The following DENND1A variants were observed in gnomAD, a reference collection of about 807,000 sequenced individuals.
DENND1A encodes the protein DENN domain containing 1A, also known as DENN domain-containing protein 1A.
A neutral mutation model predicts 113.7 loss-of-function variants in DENND1A; 51 were observed. The observed-to-expected ratio is 0.45, with a 90% CI of 0.36 to 0.57. The LOEUF (loss-of-function observed/expected upper bound fraction) is 0.57. Among genes scored for constraint, DENND1A ranks in the 20% least tolerant of loss-of-function variants. The pLI, the probability that DENND1A is intolerant of heterozygous loss-of-function variation, is 0.00. For missense variants in DENND1A, 1,258 were observed against 1,395.9 expected (o/e 0.90, Z 1.57); for synonymous variants, 565 against 570.8 (o/e 0.99, Z 0.14).
chr9:123,808,372 T>C (rs1367958713), intron 2 of DENND1A, among the ~76,000 whole-genome samples: 2 of 151,300 alleles, frequency 1.3e-5, no homozygotes, highest in Non-Finnish European at 2.9e-5. Flanking sequence ...TAAAATAGTA[T>C]CCAATAATTT....
chr9:123,517,871 A>G (rs1458821164), intron 13 of DENND1A, among the ~76,000 whole-genome samples: 1 of 152,248 alleles, frequency 6.6e-6, no homozygotes, highest in Non-Finnish European at 1.5e-5. Context: ...GAGAAGTAGC[A>G]AAATTGAATG....
intron 11 of DENND1A, among the ~76,000 whole-genome samples, chr9:123,599,392 A>G (rs551786660): frequency 6.6e-6 from 1 of 152,350 alleles, no homozygotes; most frequent in African/African-American, 2.4e-5. Flanking sequence ...AGGCATGGTT[A>G]CTACATCACA....
At chr9:123,531,554 T>TCTAC (rs71490812) in intron 13 of DENND1A, among the ~76,000 whole-genome samples, 2 of 103,128 alleles carry the variant, frequency 1.9e-5, no homozygotes, top group Non-Finnish European at 4.1e-5. Flanking sequence ...CCTCTCTCTC[T>TCTAC]ACACACACAC....
intron 9 of DENND1A, among the ~76,000 whole-genome samples, chr9:123,645,666 A>G (rs1249105775): frequency 2.0e-5 from 3 of 152,158 alleles, no homozygotes; most frequent in Non-Finnish European, 2.9e-5. Context: ...GAAACTTCGA[A>G]CCCAGTTAAG....
At position 123,381,478 on chromosome 9, in the gene DENND1A, G is replaced by GGGGCCGGGGCCA. The variant is rs781687359; in HGVS notation, c.3155_3166dup (p.Leu1052_Ala1055dup). 18 of 1,613,442 alleles carry GGGGCCGGGGCCA rather than the reference G, an allele frequency of 1.1e-5. 1 individual carries two copies. In the African/African-American group the frequency reaches 1.3e-4, roughly 12 times the overall value. ...CTTCCTGAGCTGCTCCACCGAGTCTGGGGCCGGGGCCAGGGCCGGACTCGG... is the reference window on the plus strand; with the variant it reads ...CTTCCTGAGCTGCTCCACCGAGTCTGGGGCCGGGGCCAGGGCCGGGGCCAGGGCCGGACTCGG... On this transcript the variant is annotated inframe_insertion, in exon 24 of 24. Coordinates refer to ENST00000394215, the MANE Select transcript of DENND1A (RefSeq NM_001352964.2). This position sits in a 1 kb window ranked among gnomAD's most constrained non-coding sequence, Gnocchi z 4.7.
At chr9:123,672,197 C>T (rs931335259) in intron 6 of DENND1A, among the ~76,000 whole-genome samples, 4 of 152,288 alleles carry the variant, frequency 2.6e-5, no homozygotes, top group African/African-American at 4.8e-5. Context: ...CTCCAGAGCC[C>T]TCCTGGCTTC....
At chr9:123,815,388 TG>T (rs1837277864) in intron 2 of DENND1A, among the ~76,000 whole-genome samples, 1 of 152,236 alleles carries the variant, frequency 6.6e-6, no homozygotes, top group Non-Finnish European at 1.5e-5. Context: ...ACCATATAAC[TG>T]TCTCAGTAAA....
At chr9:123,928,804 C>G (rs1857531364) in intron 1 of DENND1A, 3 of 985,414 alleles carry the variant, frequency 3.0e-6, no homozygotes, top group African/African-American at 1.7e-5. Context: ...TCAAACTTCC[C>G]TAGTACAATT....
At chr9:123,521,357 A>T (rs921991533) in intron 13 of DENND1A, among the ~76,000 whole-genome samples, 2 of 152,174 alleles carry the variant, frequency 1.3e-5, no homozygotes, top group African/African-American at 4.8e-5. Context: ...AAGGGGCTTG[A>T]GAGTCCAATT....
chr9:123,902,279 G>C (rs1851796235), intron 1 of DENND1A, among the ~76,000 whole-genome samples: 1 of 151,844 alleles, frequency 6.6e-6, no homozygotes, highest in Non-Finnish European at 1.5e-5. Flanking sequence ...ATTAAAATTA[G>C]TTACATTGGT....
At chr9:123,397,913 G>A (rs888134822) in intron 21 of DENND1A, among the ~76,000 whole-genome samples, 1 of 152,202 alleles carries the variant, frequency 6.6e-6, no homozygotes, top group Non-Finnish European at 1.5e-5. Context: ...TAGTACAGTG[G>A]AACTTCAAAT....
At chr9:123,387,906 C>A in intron 21 of DENND1A, 48 bp from the exon 22 acceptor site, 1 of 1,275,222 alleles carries the variant, frequency 7.8e-7, no homozygotes, top group Non-Finnish European at 1.0e-6. Flanking sequence ...GTTAGGGGCG[C>A]CCTCAGAACT....
intron 12 of DENND1A, among the ~76,000 whole-genome samples, chr9:123,560,159 G>A (rs533634424): frequency 2.4e-4 from 36 of 152,278 alleles, no homozygotes; most frequent in Admixed American, 2.0e-4. Context: ...AGATTCATGT[G>A]CAAGCTTTTG....
intron 2 of DENND1A, among the ~76,000 whole-genome samples, chr9:123,862,482 C>G (rs1845188866): frequency 6.6e-6 from 1 of 152,080 alleles, no homozygotes; most frequent in Non-Finnish European, 1.5e-5. Context: ...AACATAGAAG[C>G]AAGTATTAAA....
At chr9:123,757,911 A>C (rs1242080166) in intron 4 of DENND1A, 89 bp from the exon 5 acceptor site, 10 of 1,499,120 alleles carry the variant, frequency 6.7e-6, no homozygotes, top group Middle Eastern at 1.8e-4. Context: ...TGAACTTATA[A>C]CATTTCCTCT....
At chr9:123,851,454 G>A (rs935910205) in intron 2 of DENND1A, among the ~76,000 whole-genome samples, 4 of 152,012 alleles carry the variant, frequency 2.6e-5, no homozygotes, top group East Asian at 1.9e-4. Flanking sequence ...TTAAAATTAC[G>A]AAATGGCCTC....
intron 13 of DENND1A, among the ~76,000 whole-genome samples, chr9:123,538,805 C>CATATAT (rs1169598985): frequency 1.2e-4 from 6 of 50,064 alleles, no homozygotes; most frequent in African/African-American, 2.7e-4. Context: ...GGTGACAACT[C>CATATAT]ATACATATAT....
intron 13 of DENND1A, among the ~76,000 whole-genome samples, chr9:123,465,308 ATTTTTTT>A (rs60428558): frequency 8.7e-5 from 7 of 80,118 alleles, no homozygotes; most frequent in African/African-American, 2.4e-4. Flanking sequence ...TTTGTCTTTG[ATTTTTTT>A]TTTTTTTTTT....
At chr9:123,660,696 T>G (rs1191316794) in intron 8 of DENND1A, among the ~76,000 whole-genome samples, 1 of 152,202 alleles carries the variant, frequency 6.6e-6, no homozygotes, top group Non-Finnish European at 1.5e-5. Flanking sequence ...AAACATACAT[T>G]TATCTTTTCT....
Sources: allele counts gnomAD v4.1 joint callset (sites outside exome capture counted in the v4.1 genomes callset), GRCh38; gene constraint gnomAD v4.1.1; non-coding constraint Gnocchi (gnomAD v3.1); transcripts MANE v1.5; gene names NCBI Gene and HGNC (gene_info 2026-07-23, HGNC 2026-07-21).